The following CRIM1 variants were observed in gnomAD, a reference collection of about 807,000 sequenced individuals.
CRIM1 encodes the protein cysteine-rich motor neuron 1 protein.
Under a neutral mutation model 116.4 loss-of-function variants are expected in CRIM1, and 32 were observed. The observed-to-expected ratio is 0.27, with a 90% CI of 0.21 to 0.37. The LOEUF is 0.37. CRIM1 is among the 10% of genes least tolerant of loss of function. The probability of loss-of-function intolerance (pLI) is 1.00; values close to 1 mark genes in which losing one functional copy is unlikely to be tolerated. For synonymous variants in CRIM1, 590 were observed against 509.2 expected (o/e 1.16, Z -2.13); for missense variants, 1,331 against 1,354.8 (o/e 0.98, Z 0.28).
In CRIM1 at chr2:36,549,473, C is replaced by CT. The variant is rs3836073; in HGVS notation, c.*784dup. ...TCATTTCTTGATGTGAGCACTGGAG[C>CT]TTTTTTTTTTTTACAACGTGACAGG... On this transcript the variant is annotated 3_prime_UTR_variant, in exon 17 of 17. Transcript: ENST00000280527. The CT allele has an allele frequency of 0.013, 1,984 of 148,076 alleles. 18 individuals carry two copies. The highest frequency in any genetic ancestry group is 0.027 in the South Asian group (128 of 4,684). 9.2% of individuals were successfully genotyped at this position (148,076 alleles called of 1,614,324 possible).
At chr2:36,378,830 A>T in intron 1 of CRIM1, 1 of 98,800 alleles carries the variant, frequency 1.0e-5, no homozygotes. Flanking sequence ...TTTTTTTGAG[A>T]CGGAGTCTCA....
At chr2:36,367,080 G>A (rs1027965594) in intron 1 of CRIM1, among the ~76,000 whole-genome samples, 2 of 152,154 alleles carry the variant, frequency 1.3e-5, no homozygotes, top group Admixed American at 6.5e-5. Context: ...GGCTTTTACA[G>A]TCTGAGTGAG....
chr2:36,524,136 C>T (rs895927622), intron 13 of CRIM1, among the ~76,000 whole-genome samples: 14 of 152,214 alleles, frequency 9.2e-5, no homozygotes, highest in African/African-American at 3.4e-4. Context: ...TCTGATGGGA[C>T]AATAGTCATA....
At chr2:36,392,482 C>A (rs1443909591) in intron 1 of CRIM1, among the ~76,000 whole-genome samples, 1 of 151,402 alleles carries the variant, frequency 6.6e-6, no homozygotes, top group Non-Finnish European at 1.5e-5. Flanking sequence ...CAAGGAGAAA[C>A]CAGGAGCTAT....
At chr2:36,409,956 G>GCT (rs1388742254) in intron 2 of CRIM1, among the ~76,000 whole-genome samples, 1 of 152,120 alleles carries the variant, frequency 6.6e-6, no homozygotes, top group Non-Finnish European at 1.5e-5. Flanking sequence ...TGGTGCATAC[G>GCT]CTCTAAGATA....
intron 1 of CRIM1, among the ~76,000 whole-genome samples, chr2:36,377,552 G>A (rs1024200838): frequency 9.9e-5 from 15 of 152,266 alleles, no homozygotes; most frequent in Admixed American, 6.5e-5. Context: ...TGTAAAATGG[G>A]AATAACAATA....
At chr2:36,439,558 G>A (rs1675612450) in intron 2 of CRIM1, among the ~76,000 whole-genome samples, 1 of 152,114 alleles carries the variant, frequency 6.6e-6, no homozygotes, top group Admixed American at 6.5e-5. Context: ...CTGTGCCTCA[G>A]CCACACTGAC....
chr2:36,356,606 A>G lies in CRIM1; in HGVS notation c.314A>G (p.Glu105Gly). The G allele has an allele frequency of 6.2e-7, 1 of 1,608,834 alleles. No homozygotes were observed. The highest frequency in any genetic ancestry group is 1.1e-5 in the South Asian group (1 of 90,900). ...PLNGDSLTEYEAGVCEDENWT... is the reference protein window; with the variant it reads ...PLNGDSLTEYGAGVCEDENWT... ...AATGGCGACTCCCTCACCGAGTACG[A>G]AGCGGGCGTTTGCGAAGGTACGGCC... Residue 105 changes from glutamate (E) to glycine (G), a missense_variant, in exon 1 of 17, where the codon GAA (glutamate) becomes GGA (glycine). Around this residue, in one of 3 missense-constraint regions of CRIM1, gnomAD observed 690 missense variants for 676.0 expected, o/e 1.02. Coordinates refer to ENST00000280527, the MANE Select transcript of CRIM1 (RefSeq NM_016441.3). This position sits in a 1 kb window ranked among gnomAD's most constrained non-coding sequence, Gnocchi z 4.3.
intron 1 of CRIM1, among the ~76,000 whole-genome samples, chr2:36,373,288 G>A (rs1339226002): frequency 1.3e-4 from 20 of 152,222 alleles, no homozygotes; most frequent in Non-Finnish European, 2.9e-4. Flanking sequence ...CACTCTTGAA[G>A]GAGGGAGTGC....
chr2:36,412,798 G>A (rs905408297), intron 2 of CRIM1, among the ~76,000 whole-genome samples: 7 of 152,076 alleles, frequency 4.6e-5, no homozygotes, highest in Non-Finnish European at 8.8e-5. Context: ...TTAACATAAT[G>A]TAACATGATT....
At chr2:36,465,354 C>G (rs975623860) in intron 5 of CRIM1, among the ~76,000 whole-genome samples, 1 of 152,172 alleles carries the variant, frequency 6.6e-6, no homozygotes, top group Non-Finnish European at 1.5e-5. Flanking sequence ...ACATGCTTCT[C>G]TACCAGAATA....
rs567744350 is a variant in CRIM1, at chr2:36,384,328, C to T, written c.332-12286C>T. 1.9e-4 allele frequency among the ~76,000 whole-genome samples: 29 copies of T among 152,232 alleles called. 1 individual carries two copies. The highest frequency in any genetic ancestry group is 6.5e-4 in the African/African-American group (27 of 41,550). On this transcript the variant is annotated intron_variant, in intron 1 of 16. Coordinates refer to ENST00000280527, the MANE Select transcript of CRIM1 (RefSeq NM_016441.3). ...ACGGTCAGCTAGGGCTAGGCACAGG[C>T]CTCATTTATCAGTGTGAGGGGTCAG...
intron 2 of CRIM1, among the ~76,000 whole-genome samples, chr2:36,420,314 T>TTAATATACCCAAGAATCCA (rs1673951360): frequency 2.0e-5 from 3 of 152,186 alleles, no homozygotes; most frequent in Non-Finnish European, 4.4e-5. Flanking sequence ...ATTATGTTAT[T>TTAATATACCCAAGAATCCA]TAATATACCC....
intron 16 of CRIM1, among the ~76,000 whole-genome samples, chr2:36,547,606 G>GTA (rs1309752059): frequency 3.9e-5 from 6 of 152,096 alleles, no homozygotes; most frequent in Non-Finnish European, 7.4e-5. Context: ...GATCATGAGG[G>GTA]TATACAAAAG....
intron 1 of CRIM1, among the ~76,000 whole-genome samples, chr2:36,391,918 A>G (rs1481032368): frequency 2.0e-5 from 3 of 152,234 alleles, no homozygotes; most frequent in African/African-American, 7.2e-5. Context: ...GCAAAATGGT[A>G]AGGAATTAAA....
intron 2 of CRIM1, among the ~76,000 whole-genome samples, chr2:36,420,457 T>C (rs1673965597): frequency 6.6e-6 from 1 of 152,180 alleles, no homozygotes; most frequent in Non-Finnish European, 1.5e-5. Flanking sequence ...CCTGTTACTT[T>C]ATTGTCTCAA....
At chr2:36,415,612 G>T (rs1673553536) in intron 2 of CRIM1, among the ~76,000 whole-genome samples, 1 of 152,052 alleles carries the variant, frequency 6.6e-6, no homozygotes, top group African/African-American at 2.4e-5. Flanking sequence ...ACTATTTCAG[G>T]CATGATTATC....
At chr2:36,371,353 C>T (rs1669931821) in intron 1 of CRIM1, among the ~76,000 whole-genome samples, 1 of 152,134 alleles carries the variant, frequency 6.6e-6, no homozygotes, top group Non-Finnish European at 1.5e-5. Context: ...GTCTCTCTGC[C>T]TCATTGTGAT....
intron 7 of CRIM1, among the ~76,000 whole-genome samples, chr2:36,489,158 C>T (rs1437677647): frequency 6.6e-6 from 1 of 152,108 alleles, no homozygotes; most frequent in Non-Finnish European, 1.5e-5. Flanking sequence ...ATAATCAGTG[C>T]CTACCATTTG....
Sources: allele counts gnomAD v4.1 joint callset (sites outside exome capture counted in the v4.1 genomes callset), GRCh38; gene constraint gnomAD v4.1.1; regional missense constraint gnomAD v4.1.1; non-coding constraint Gnocchi (gnomAD v3.1); transcripts MANE v1.5; gene names NCBI Gene and HGNC (gene_info 2026-07-23, HGNC 2026-07-21).